The following ATP10B variants were observed in gnomAD, a reference collection of about 807,000 sequenced individuals.
ATP10B encodes phospholipid-transporting ATPase VB.
A neutral mutation model predicts 141.2 loss-of-function variants in ATP10B; 122 were observed. That is an observed-to-expected ratio of 0.86 (90% CI 0.75 to 1.00). The LOEUF (loss-of-function observed/expected upper bound fraction) is 1.00. Among genes scored for constraint, ATP10B ranks in the 50% least tolerant of loss-of-function variants. The pLI is 0.00. For missense variants in ATP10B, 1,876 were observed against 1,825.3 expected (o/e 1.03, Z -0.51); for synonymous variants, 685 against 692.0 (o/e 0.99, Z 0.16).
chr5:160,604,882 G>C (rs1224904813), intron 19 of ATP10B, among the ~76,000 whole-genome samples: 1 of 152,204 alleles, frequency 6.6e-6, no homozygotes, highest in Non-Finnish European at 1.5e-5. Flanking sequence ...AGTAGCCACA[G>C]ATAGCTCTAT....
intron 7 of ATP10B, among the ~76,000 whole-genome samples, chr5:160,667,012 A>G (rs1833559): frequency 0.84 from 127,448 of 151,990 alleles, 53,627 homozygotes; most frequent in South Asian, 0.88. Context: ...AGGTCAGGAA[A>G]TCGAGACCAT....
intron 14 of ATP10B, among the ~76,000 whole-genome samples, 160 bp downstream of exon 14, chr5:160,622,234 G>A (rs1390163429): frequency 6.6e-6 from 1 of 152,206 alleles, no homozygotes; most frequent in Non-Finnish European, 1.5e-5. Flanking sequence ...GACCCAGGGA[G>A]GGTAAGAGAC....
the ATP10B span, among the ~76,000 whole-genome samples, chr5:160,871,844 ATATAATGACTTTTTTG>A: frequency 2.6e-5 from 4 of 152,082 alleles, no homozygotes; most frequent in South Asian, 2.1e-4. Context: ...GCGTTTTTTT[ATATAATGACTTTTTTG>A]TATAATGACT....
At position 160,664,516 on chromosome 5, in the gene ATP10B, G is replaced by A. The variant is rs576925045; in HGVS notation, c.675+5947C>T. On this transcript the variant is annotated intron_variant, in intron 7 of 25. Transcript: ENST00000327245. ...GAATTTTTAACCTGAGCAACAAACA[G>A]ATACATATGATTATTACGTTGATTA... Among the ~76,000 whole-genome samples, 10 of 152,322 alleles carry A rather than the reference G, an allele frequency of 6.6e-5. No homozygotes were observed. In the East Asian group the frequency reaches 1.7e-3, roughly 26 times the overall value.
the ATP10B span, among the ~76,000 whole-genome samples, chr5:160,863,436 A>G: frequency 1.3e-5 from 2 of 152,044 alleles, no homozygotes; most frequent in Non-Finnish European, 2.9e-5. Flanking sequence ...ACAACCTATC[A>G]AAACCTCTGG....
intron 1 of ATP10B, among the ~76,000 whole-genome samples, chr5:160,803,841 C>T (rs978890214): frequency 1.3e-5 from 2 of 152,102 alleles, no homozygotes; most frequent in Non-Finnish European, 2.9e-5. Flanking sequence ...ATCTTTTCCC[C>T]ATGATTTATA....
chr5:160,816,196 A>ACCCT (rs55930730), intron 1 of ATP10B, among the ~76,000 whole-genome samples: 406 of 127,010 alleles, frequency 3.2e-3, no homozygotes, highest in Admixed American at 4.6e-3. Context: ...GACATAAAAA[A>ACCCT]TGAATGAATC....
chr5:160,760,395 C>A (rs1234551715), intron 2 of ATP10B, among the ~76,000 whole-genome samples: 1 of 152,168 alleles, frequency 6.6e-6, no homozygotes, highest in Non-Finnish European at 1.5e-5. Context: ...ATAAAAGGCA[C>A]TGCGATTGCT....
chr5:160,682,300 G>A (rs1177196482), intron 6 of ATP10B, among the ~76,000 whole-genome samples: 2 of 152,154 alleles, frequency 1.3e-5, no homozygotes, highest in South Asian at 4.1e-4. Flanking sequence ...GGCCATGCAC[G>A]TATTTTTTCG....
chr5:160,919,838 G>A, the ATP10B span, among the ~76,000 whole-genome samples: 5 of 152,164 alleles, frequency 3.3e-5, no homozygotes, highest in African/African-American at 4.8e-5. Context: ...GGCCAACTGC[G>A]ATGTCTTGGC....
At chr5:160,645,760 C>CT (rs1028174698) in intron 8 of ATP10B, among the ~76,000 whole-genome samples, 69 of 152,254 alleles carry the variant, frequency 4.5e-4, no homozygotes, top group African/African-American at 1.5e-3. Context: ...TCTTAGAGCT[C>CT]TTTTTTAAAC....
At chr5:160,810,677 A>C (rs1385928237) in intron 1 of ATP10B, among the ~76,000 whole-genome samples, 3 of 152,136 alleles carry the variant, frequency 2.0e-5, no homozygotes, top group African/African-American at 7.2e-5. Context: ...TTCCATCAAA[A>C]TTGTGGTTTT....
intron 2 of ATP10B, among the ~76,000 whole-genome samples, chr5:160,729,067 C>T (rs922058540): frequency 4.6e-5 from 7 of 152,208 alleles, no homozygotes; most frequent in Admixed American, 2.6e-4. Flanking sequence ...GAGGCTAAAT[C>T]TCTCTTGGCC....
intron 19 of ATP10B, among the ~76,000 whole-genome samples, chr5:160,606,024 C>T (rs1330198867): frequency 6.6e-6 from 1 of 152,068 alleles, no homozygotes; most frequent in Non-Finnish European, 1.5e-5. Flanking sequence ...GAGGACAAGG[C>T]CCATGGAGAA....
At chr5:160,611,053 A>G (rs970833002) in intron 18 of ATP10B, among the ~76,000 whole-genome samples, 3 of 152,184 alleles carry the variant, frequency 2.0e-5, no homozygotes, top group Non-Finnish European at 4.4e-5. Flanking sequence ...CTTAGAATGT[A>G]TTTCCCCAGT....
At chr5:160,816,239 A>G (rs10064064) in intron 1 of ATP10B, among the ~76,000 whole-genome samples, 20,119 of 130,180 alleles carry the variant, frequency 0.15, 1,802 homozygotes, top group African/African-American at 0.18. Flanking sequence ...ATCAATAAAA[A>G]TTGAGAGACT....
the ATP10B span, among the ~76,000 whole-genome samples, chr5:160,874,793 G>GATGAAATGA: frequency 6.0e-5 from 9 of 150,722 alleles, no homozygotes; most frequent in African/African-American, 2.2e-4. Flanking sequence ...AGCAATGGAA[G>GATGAAATGA]ATGAAATGAA....
At chr5:160,929,110 A>G in the ATP10B span, among the ~76,000 whole-genome samples, 1 of 152,196 alleles carries the variant, frequency 6.6e-6, no homozygotes, top group Non-Finnish European at 1.5e-5. Context: ...GAGGTGAAGG[A>G]CAGCCTCAGA....
chr5:160,838,487 C>T (rs1464062731), intron 1 of ATP10B, among the ~76,000 whole-genome samples: 1 of 152,070 alleles, frequency 6.6e-6, no homozygotes, highest in Non-Finnish European at 1.5e-5. Context: ...TAAGCCACAC[C>T]TTTAAGTTTT....
Sources: allele counts gnomAD v4.1 joint callset (sites outside exome capture counted in the v4.1 genomes callset), GRCh38; gene constraint gnomAD v4.1.1; transcripts MANE v1.5; gene names NCBI Gene and HGNC (gene_info 2026-07-23, HGNC 2026-07-21).